Variants in LBX2 observed in about 807,000 individuals in gnomAD.
LBX2 encodes the protein ladybird homeobox 2.
LBX2 carries 6 observed loss-of-function variants against 7.5 expected under a neutral mutation model. The ratio of observed to expected loss-of-function variants is 0.80; its 90% CI spans 0.44 to 1.59. The LOEUF is 1.59. LBX2 is among the 40% of genes most tolerant of loss of function. LBX2 has a pLI of 0.01. For missense variants in LBX2, 281 were observed against 282.0 expected, an observed-to-expected ratio of 1.00 and a Z score of 0.03; for synonymous variants, 143 against 133.2, an observed-to-expected ratio of 1.07 and a Z score of -0.51.
At position 74,497,840 on chromosome 2, in the gene LBX2, TC is replaced by T; in HGVS notation, c.*86del. ...CGGAAGAGGCCCAAGTGGACCTCCTTCCTCCACCCTGGAACTCTGGCCAGAG... is the reference window on the plus strand; with the variant it reads ...CGGAAGAGGCCCAAGTGGACCTCCTTCTCCACCCTGGAACTCTGGCCAGAG... On this transcript the variant is annotated 3_prime_UTR_variant, in exon 2 of 2. Coordinates refer to ENST00000377566, the MANE Select transcript of LBX2 (RefSeq NM_001282430.2). 1.4e-6 allele frequency: 2 copies of T among 1,396,062 alleles called. No homozygotes were observed. The highest frequency in any genetic ancestry group is 1.9e-6 in the Non-Finnish European group (2 of 1,052,662). 86.5% of individuals were successfully genotyped at this position (1,396,062 alleles called of 1,614,324 possible). A position where few individuals can be genotyped will look rare whatever the true frequency, so the allele number is the denominator to read the frequency against.
At position 74,497,662 on chromosome 2, in the gene LBX2, G is replaced by A; in HGVS notation, c.*265C>T. The A allele has an allele frequency of 2.6e-6, 1 of 388,232 alleles. No individual in the cohort carries two copies. 24.0% of individuals were successfully genotyped at this position (388,232 alleles called of 1,614,324 possible). A position where few individuals can be genotyped will look rare whatever the true frequency, so the allele number is the denominator to read the frequency against. ...AATGCCAGCTAGTCGGGAGGTTGAG[G>A]CAGGAGGATCGCTTGAGCCCAGGAG... On this transcript the variant is annotated 3_prime_UTR_variant, in exon 2 of 2. Transcript: ENST00000377566.
upstream of LBX2, chr2:74,503,023 C>T (rs1674530680): frequency 3.3e-6 from 2 of 599,958 alleles, no homozygotes; most frequent in South Asian, 2.4e-5. This position sits in a 1 kb window ranked among gnomAD's most constrained non-coding sequence, Gnocchi z 5.1. Flanking sequence ...CGAGAACCGA[C>T]GCCTTGTCCC....
At chr2:74,499,956 C>A (rs1177758276), upstream of LBX2, among the ~76,000 whole-genome samples, 1 of 152,174 alleles carries the variant, frequency 6.6e-6, no homozygotes, top group Non-Finnish European at 1.5e-5. The surrounding 1 kb of genome is among the most constrained non-coding windows in gnomAD (Gnocchi z 4.6). Flanking sequence ...CTGGCCCCAG[C>A]GGCTGGGGAT....
At position 74,497,807 on chromosome 2, in the gene LBX2, C is replaced by T. The variant is rs1674384666; in HGVS notation, c.*120G>A. The T allele has an allele frequency of 3.7e-6, 4 of 1,087,120 alleles. No individual in the cohort carries two copies. In the East Asian group the frequency reaches 8.2e-5, roughly 22 times the overall value. 67.3% of individuals were successfully genotyped at this position (1,087,120 alleles called of 1,614,324 possible). A position where few individuals can be genotyped will look rare whatever the true frequency, so the allele number is the denominator to read the frequency against. On this transcript the variant is annotated 3_prime_UTR_variant, in exon 2 of 2. Transcript: ENST00000377566. Reference sequence around the variant, plus strand: ...AAACCGGGAAAGGTGAGCGTCTGGACTGTGGGCCGGAAGAGGCCCAAGTGG... The same window carrying T: ...AAACCGGGAAAGGTGAGCGTCTGGATTGTGGGCCGGAAGAGGCCCAAGTGG...
At chr2:74,503,167 A>C, upstream of LBX2, 2 of 340,548 alleles carry the variant, frequency 5.9e-6, no homozygotes, top group Non-Finnish European at 1.1e-5. The surrounding 1 kb of genome is among the most constrained non-coding windows in gnomAD (Gnocchi z 5.1). Context: ...GCCAGAGAGG[A>C]CCCTGGGCGT....
rs1375936357 is a variant in LBX2, at chr2:74,499,473, G to A, written c.65C>T (p.Pro22Leu). 6.4e-7 allele frequency: 1 copy of A among 1,550,534 alleles called. No individual in the cohort carries two copies. Among genetic ancestry groups the A allele is most frequent in the Non-Finnish European group, 8.7e-7 (1 of 1,146,958 alleles). ...AGAGGGTGCTCGGGGGACCATGCGC[G>A]GGGCTAGGATGTCTGCGATGCTTAA... ...TLLSIADILA[P>L]RMVPRAPSAP... The change falls in exon 1 of 2, where the codon CCG (proline) becomes CTG (leucine). Residue 22 changes from proline (P) to leucine (L), a missense_variant. Physicochemically the swap from Pro to Leu is moderately conservative, Grantham distance 98. Around this residue, in one of 3 missense-constraint regions of LBX2, gnomAD observed 216 missense variants for 208.7 expected, o/e 1.03. Coordinates refer to ENST00000377566, the MANE Select transcript of LBX2 (RefSeq NM_001282430.2). The surrounding 1 kb of genome is among the most constrained non-coding windows in gnomAD (Gnocchi z 4.6).
chr2:74,503,059 C>T (rs1674532000), upstream of LBX2: 3 of 542,786 alleles, frequency 5.5e-6, no homozygotes, highest in South Asian at 5.2e-5. The surrounding 1 kb of genome is among the most constrained non-coding windows in gnomAD (Gnocchi z 5.1). Context: ...CCGAGTGCGT[C>T]CGGGGGTGCA....
At position 74,498,293 on chromosome 2, in the gene LBX2, GC is replaced by G. The variant is rs1558591437; in HGVS notation, c.230del (p.Gly77AlafsTer42). The G allele has an allele frequency of 6.4e-7, 1 of 1,561,418 alleles. No homozygotes were observed. Among genetic ancestry groups the G allele is most frequent in the Middle Eastern group, 1.9e-4 (1 of 5,274 alleles). On this transcript the variant is annotated frameshift_variant, in exon 2 of 2. Coordinates refer to ENST00000377566, the MANE Select transcript of LBX2 (RefSeq NM_001282430.2). LOFTEE classifies it low-confidence loss of function (END_TRUNC). The part of the protein sequence containing the change: ...SEGRAGPDAL[G>X]PGPFGRKRRK... ...GCCGTTTGCGGCCGAAGGGACCAGG[GC>G]CCAGCGCGTCCGGACCTGCCCGCCC...
upstream of LBX2, chr2:74,502,672 G>C: frequency 6.2e-7 from 1 of 1,613,906 alleles, no homozygotes; most frequent in Non-Finnish European, 8.5e-7. The surrounding 1 kb of genome is among the most constrained non-coding windows in gnomAD (Gnocchi z 5.4). Context: ...GTGACTTTGG[G>C]GGCGGCAGGC....
At chr2:74,501,572 C>G (rs1674484940), upstream of LBX2, 1 of 152,268 alleles carries the variant, frequency 6.6e-6, no homozygotes, top group Admixed American at 6.5e-5. Flanking sequence ...CCGCCTAGTT[C>G]TCCCCTCTGC....
rs1030395317 is a variant in LBX2 at position 74,499,387 on chromosome 2, G to A, written c.151C>T (p.Leu51=). Residue 51 remains leucine (L), a synonymous_variant, in exon 1 of 2, where the codon CTG becomes TTG. Coordinates refer to ENST00000377566, the MANE Select transcript of LBX2 (RefSeq NM_001282430.2). The surrounding 1 kb of genome is among the most constrained non-coding windows in gnomAD (Gnocchi z 4.6). ...PTSPLCALEE[L]TSKTFRGLDA... ...AGTCCGCGGAAAGTTTTACTAGTCAGCTCCTCCAGCGCGCACAGCGGCGAC... is the reference window on the plus strand; with the variant it reads ...AGTCCGCGGAAAGTTTTACTAGTCAACTCCTCCAGCGCGCACAGCGGCGAC... 7 of 1,550,512 alleles carry A rather than the reference G, an allele frequency of 4.5e-6. No homozygotes were observed. In the Admixed American group the frequency reaches 1.4e-4, roughly 30 times the overall value.
upstream of LBX2, chr2:74,499,676 C>A (rs778240418): frequency 1.2e-6 from 1 of 845,492 alleles, no homozygotes. The surrounding 1 kb of genome is among the most constrained non-coding windows in gnomAD (Gnocchi z 4.6). Context: ...TGTGCCCCTC[C>A]TCCTGCGCCC....
rs1383564830 is a variant in LBX2 at position 74,499,384 on chromosome 2, T to G, written c.154A>C (p.Thr52Pro). The change falls in exon 1 of 2, where the codon ACT (threonine) becomes CCT (proline). Residue 52 changes from threonine (T) to proline (P), a missense_variant. Transcript: ENST00000377566. This position sits in a 1 kb window ranked among gnomAD's most constrained non-coding sequence, Gnocchi z 4.6. ...TSPLCALEELTSKTFRGLDAR... is the reference protein window; with the variant it reads ...TSPLCALEELPSKTFRGLDAR... ...TCAAGTCCGCGGAAAGTTTTACTAG[T>G]CAGCTCCTCCAGCGCGCACAGCGGC... 1.3e-6 allele frequency: 2 copies of G among 1,550,598 alleles called. No individual in the cohort carries two copies. The highest frequency in any genetic ancestry group is 3.9e-5 in the Admixed American group (2 of 51,010).
chr2:74,502,003 G>A (rs17722476), upstream of LBX2: 5,484 of 151,890 alleles, frequency 0.036, 164 homozygotes, highest in South Asian at 0.057. This position sits in a 1 kb window ranked among gnomAD's most constrained non-coding sequence, Gnocchi z 5.4. Flanking sequence ...ACGGAGGCCA[G>A]CCTTCACCGC....
upstream of LBX2, among the ~76,000 whole-genome samples, chr2:74,500,513 G>A (rs916150740): frequency 1.3e-5 from 2 of 152,188 alleles, no homozygotes; most frequent in Non-Finnish European, 2.9e-5. Flanking sequence ...GAGACTTGAA[G>A]GGCAGACTTC....
chr2:74,502,240 A>ATCTTG (rs1405171577), upstream of LBX2: 1 of 185,822 alleles, frequency 5.4e-6, no homozygotes, highest in Non-Finnish European at 1.1e-5. The surrounding 1 kb of genome is among the most constrained non-coding windows in gnomAD (Gnocchi z 5.4). Flanking sequence ...CCTCAGCCCT[A>ATCTTG]CCCCCACCTT....
chr2:74,499,551 G>A lies in LBX2; in HGVS notation c.-14C>T. 1 of 1,542,798 alleles carries A rather than the reference G, an allele frequency of 6.5e-7. No individual in the cohort carries two copies. The highest frequency in any genetic ancestry group is 1.2e-5 in the South Asian group (1 of 83,832). ...TCCCGAGTTCATGGTCGGCCGGGCT[G>A]GGGCGGTCCGGCTGTCCGTTGCGCT... is the stretch of plus-strand genomic sequence containing the variant. On this transcript the variant is annotated 5_prime_UTR_variant, in exon 1 of 2. Coordinates refer to ENST00000377566, the MANE Select transcript of LBX2 (RefSeq NM_001282430.2). This position sits in a 1 kb window ranked among gnomAD's most constrained non-coding sequence, Gnocchi z 4.6.
upstream of LBX2, among the ~76,000 whole-genome samples, chr2:74,500,040 C>G (rs1366342859): frequency 6.6e-6 from 1 of 152,226 alleles, no homozygotes; most frequent in African/African-American, 2.4e-5. Flanking sequence ...CCTCAGTCTC[C>G]TAACCTGGCT....
upstream of LBX2, chr2:74,502,733 C>T (rs1386606538): frequency 1.2e-6 from 2 of 1,613,960 alleles, no homozygotes; most frequent in Non-Finnish European, 1.7e-6. The surrounding 1 kb of genome is among the most constrained non-coding windows in gnomAD (Gnocchi z 5.4). Context: ...TCTCTGCGCG[C>T]CCACCGCCAC....
Sources: gnomAD v4.1 joint callset for allele counts (sites outside exome capture counted in the v4.1 genomes callset) on GRCh38, gnomAD v4.1.1 for gene constraint, gnomAD v4.1.1 regional missense constraint, Gnocchi (gnomAD v3.1) non-coding constraint, MANE v1.5 for transcripts, NCBI Gene and HGNC (gene_info 2026-07-23, HGNC 2026-07-21) for gene names.